Variants in DAP observed in about 807,000 individuals in gnomAD.
DAP encodes the protein death-associated protein 1.
Under a neutral mutation model 13.8 loss-of-function variants are expected in DAP, and 8 were observed. That is an observed-to-expected ratio of 0.58 (90% CI 0.34 to 1.05). DAP has a LOEUF of 1.05. Ranked by LOEUF, DAP falls within the 50% of genes least tolerant of loss-of-function variation. The pLI, the probability that DAP is intolerant of heterozygous loss-of-function variation, is 0.03. For missense variants in DAP, 106 were observed against 133.2 expected, an observed-to-expected ratio of 0.80 and a Z score of 1.01; for synonymous variants, 47 against 47.5, an observed-to-expected ratio of 0.99 and a Z score of 0.04.
intron 2 of DAP, among the ~76,000 whole-genome samples, chr5:10,723,253 A>G (rs1329059794): frequency 4.6e-5 from 7 of 152,390 alleles, no homozygotes; most frequent in African/African-American, 1.7e-4. Flanking sequence ...ATAGCACATC[A>G]GGTCAAAAAA....
intron 2 of DAP, among the ~76,000 whole-genome samples, chr5:10,739,063 G>A (rs150261907): frequency 4.6e-5 from 7 of 151,914 alleles, no homozygotes; most frequent in African/African-American, 1.7e-4. Context: ...TTAGCCGAAC[G>A]TGGTGGCATG....
At chr5:10,704,800 G>A (rs1738660964) in intron 2 of DAP, among the ~76,000 whole-genome samples, 1 of 152,016 alleles carries the variant, frequency 6.6e-6, no homozygotes, top group Admixed American at 6.6e-5. Flanking sequence ...CAGTGTACAG[G>A]GCCAGGAGCC....
intron 3 of DAP, among the ~76,000 whole-genome samples, chr5:10,682,073 C>T (rs1480613792): frequency 1.3e-5 from 2 of 151,156 alleles, no homozygotes; most frequent in Non-Finnish European, 3.0e-5. Context: ...AGGCCAACGC[C>T]CACCAGCGTC....
chr5:10,682,813 C>T (rs1053805211), intron 3 of DAP, among the ~76,000 whole-genome samples: 7 of 152,206 alleles, frequency 4.6e-5, no homozygotes, highest in African/African-American at 9.6e-5. Flanking sequence ...TTGGATGCTG[C>T]GGGGTTTCTT....
chr5:10,721,012 G>A (rs1739122689), intron 2 of DAP, among the ~76,000 whole-genome samples: 1 of 152,202 alleles, frequency 6.6e-6, no homozygotes, highest in African/African-American at 2.4e-5. Context: ...TCATGCTCAT[G>A]GAATTCACTG....
At chr5:10,756,135 G>C (rs1358214443) in intron 1 of DAP, among the ~76,000 whole-genome samples, 1 of 92,312 alleles carries the variant, frequency 1.1e-5, no homozygotes, top group Non-Finnish European at 2.3e-5. Context: ...GAGAGACCCT[G>C]TCTAGACAAG....
At chr5:10,733,276 T>C (rs539216922) in intron 2 of DAP, among the ~76,000 whole-genome samples, 2 of 151,962 alleles carry the variant, frequency 1.3e-5, no homozygotes, top group East Asian at 3.9e-4. Context: ...TCCTGGCTAC[T>C]GTGAACAGTG....
intron 2 of DAP, among the ~76,000 whole-genome samples, chr5:10,690,873 G>A (rs1738290049): frequency 6.6e-6 from 1 of 152,174 alleles, no homozygotes; most frequent in African/African-American, 2.4e-5. Flanking sequence ...TTTCCACAGC[G>A]GCTGTTCCAT....
intron 2 of DAP, 30 bp from the exon 3 acceptor site, chr5:10,683,601 TA>T (rs1168663979): frequency 1.2e-6 from 2 of 1,610,302 alleles, no homozygotes; most frequent in Admixed American, 3.3e-5. Flanking sequence ...AAGGCAGATT[TA>T]ACAAAACAGT....
At chr5:10,731,665 A>G (rs1271562708) in intron 2 of DAP, among the ~76,000 whole-genome samples, 1 of 152,174 alleles carries the variant, frequency 6.6e-6, no homozygotes, top group African/African-American at 2.4e-5. Context: ...TAAACCACAT[A>G]TCTAAGGCAA....
At chr5:10,691,213 C>T (rs992674654) in intron 2 of DAP, among the ~76,000 whole-genome samples, 13 of 152,240 alleles carry the variant, frequency 8.5e-5, no homozygotes, top group African/African-American at 3.1e-4. Context: ...TGGCAAAAGG[C>T]AGGCCTCTTC....
intron 2 of DAP, among the ~76,000 whole-genome samples, chr5:10,708,445 AC>A (rs1169093146): frequency 2.5e-5 from 1 of 39,894 alleles, no homozygotes; most frequent in Non-Finnish European, 1.2e-4. Context: ...CATATCAGAC[AC>A]ACACACACAC....
intron 2 of DAP, among the ~76,000 whole-genome samples, chr5:10,701,696 T>G (rs1024242000): frequency 6.6e-6 from 1 of 152,126 alleles, no homozygotes; most frequent in Non-Finnish European, 1.5e-5. Context: ...GGCAGCAAAT[T>G]AGGCCTCAAG....
At chr5:10,714,499 AC>A (rs1467361013) in intron 2 of DAP, among the ~76,000 whole-genome samples, 3 of 152,214 alleles carry the variant, frequency 2.0e-5, no homozygotes, top group African/African-American at 7.2e-5. Flanking sequence ...TGATAACTGT[AC>A]CTCATACTTC....
chr5:10,687,331 T>C (rs1490327434), intron 2 of DAP, among the ~76,000 whole-genome samples: 1 of 152,230 alleles, frequency 6.6e-6, no homozygotes, highest in East Asian at 1.9e-4. Flanking sequence ...AAATAAGTAA[T>C]TCCACTGGTA....
chr5:10,719,678 T>C (rs1350049865), intron 2 of DAP, among the ~76,000 whole-genome samples: 2 of 152,110 alleles, frequency 1.3e-5, no homozygotes, highest in African/African-American at 4.8e-5. Flanking sequence ...CGAATGGAAG[T>C]GATATAAATG....
At chr5:10,721,672 AG>A (rs1373088078) in intron 2 of DAP, among the ~76,000 whole-genome samples, 1 of 152,212 alleles carries the variant, frequency 6.6e-6, no homozygotes, top group Non-Finnish European at 1.5e-5. Flanking sequence ...AGAATGAAGC[AG>A]GGAAAAAACC....
intron 2 of DAP, among the ~76,000 whole-genome samples, chr5:10,688,577 T>C (rs890090499): frequency 4.6e-5 from 7 of 152,224 alleles, no homozygotes; most frequent in South Asian, 4.1e-4. Flanking sequence ...TGCCTGTACA[T>C]ATTCATTATT....
At position 10,748,291 on chromosome 5, in the gene DAP, T is replaced by A; in HGVS notation, c.56-20A>T. On this transcript the variant is annotated intron_variant, in intron 1 of 3. Coordinates refer to ENST00000230895, the MANE Select transcript of DAP (RefSeq NM_004394.3). The stretch of plus-strand genomic sequence containing the variant: ...CTTTCACTGAAATGAAAACAGAGAG[T>A]GTGGGATTAATGTGGAAATGGGGCT... 1 of 1,607,484 alleles carries A rather than the reference T, an allele frequency of 6.2e-7. No individual in the cohort carries two copies. The highest frequency in any genetic ancestry group is 8.5e-7 in the Non-Finnish European group (1 of 1,174,426).
Sources: gnomAD v4.1 joint callset for allele counts (sites outside exome capture counted in the v4.1 genomes callset) on GRCh38, gnomAD v4.1.1 for gene constraint, MANE v1.5 for transcripts, NCBI Gene and HGNC (gene_info 2026-07-23, HGNC 2026-07-21) for gene names.